ITIH2: variants seen among roughly 807,000 people sequenced by gnomAD.
ITIH2 encodes inter-alpha-trypsin inhibitor heavy chain H2.
Under a neutral mutation model 104.4 loss-of-function variants are expected in ITIH2, and 103 were observed. The ratio of observed to expected loss-of-function variants is 0.99; its 90% CI spans 0.84 to 1.16. The LOEUF is 1.16. Among genes scored for constraint, ITIH2 ranks in the 50% most tolerant of loss-of-function variants. ITIH2 has a pLI of 0.00. For synonymous variants in ITIH2, 436 were observed against 435.4 expected (o/e 1.00, Z -0.02); for missense variants, 1,108 against 1,162.4 (o/e 0.95, Z 0.68).
intron 16 of ITIH2, among the ~76,000 whole-genome samples, chr10:7,739,684 G>A (rs1835105826): frequency 6.6e-6 from 1 of 152,004 alleles, no homozygotes; most frequent in Non-Finnish European, 1.5e-5. Context: ...CTTGAGGCCA[G>A]GAGTTTGAGA....
At chr10:7,716,045 G>C (rs1440234336) in intron 5 of ITIH2, among the ~76,000 whole-genome samples, 1 of 147,750 alleles carries the variant, frequency 6.8e-6, no homozygotes, top group East Asian at 2.0e-4. Context: ...GTATTTTTAG[G>C]AGAGACAGGG....
At chr10:7,714,380 G>T (rs1184093611) in intron 5 of ITIH2, among the ~76,000 whole-genome samples, 2 of 151,808 alleles carry the variant, frequency 1.3e-5, no homozygotes, top group African/African-American at 4.8e-5. Flanking sequence ...CACCGTGTTG[G>T]CCAGGATGGT....
At chr10:7,713,643 T>C (rs1351354392) in intron 5 of ITIH2, among the ~76,000 whole-genome samples, 1 of 152,202 alleles carries the variant, frequency 6.6e-6, no homozygotes, top group Non-Finnish European at 1.5e-5. Flanking sequence ...AAGGAAAAGT[T>C]TGAAATTTGC....
intron 16 of ITIH2, among the ~76,000 whole-genome samples, chr10:7,739,324 C>T (rs977858945): frequency 5.9e-5 from 9 of 152,162 alleles, no homozygotes; most frequent in Non-Finnish European, 1.2e-4. Flanking sequence ...CCTTACTTTC[C>T]TTTTGATTAG....
intron 16 of ITIH2, among the ~76,000 whole-genome samples, chr10:7,739,130 C>T (rs1175156837): frequency 1.3e-5 from 2 of 152,092 alleles, no homozygotes; most frequent in African/African-American, 4.8e-5. Flanking sequence ...TTTGCCTTTC[C>T]ATTGACAACC....
At chr10:7,732,051 C>T in intron 13 of ITIH2, 55 bp downstream of exon 13, 1 of 1,364,558 alleles carries the variant, frequency 7.3e-7, no homozygotes, top group South Asian at 1.3e-5. Flanking sequence ...AGATACAGTC[C>T]CTCTTGAATG....
chr10:7,729,846 C>T, intron 11 of ITIH2, 106 bp from the exon 12 acceptor site: 1 of 620,442 alleles, frequency 1.6e-6, no homozygotes, highest in Non-Finnish European at 2.7e-6. Context: ...AAGGGAAATG[C>T]AGTTTTAATC....
In ITIH2 at chr10:7,727,854, G is replaced by A. The variant is rs374140482; in HGVS notation, c.1279+26G>A. On this transcript the variant is annotated intron_variant, in intron 11 of 20. Transcript: ENST00000358415. ...GCAAGTGTCACTTCAACCTTCTCACGACAAACACTTTCACTGTTGTTTCTT... is the reference window on the plus strand; with the variant it reads ...GCAAGTGTCACTTCAACCTTCTCACAACAAACACTTTCACTGTTGTTTCTT... 429 of 1,612,988 alleles carry A rather than the reference G, an allele frequency of 2.7e-4. 1 individual carries two copies. Among genetic ancestry groups the A allele is most frequent in the Admixed American group, 6.0e-4 (36 of 59,980 alleles).
intron 9 of ITIH2, among the ~76,000 whole-genome samples, chr10:7,726,241 A>T (rs1460521065): frequency 6.6e-6 from 1 of 152,224 alleles, no homozygotes. Context: ...GTGGATGCAC[A>T]TGAGGTTTGT....
At chr10:7,703,906 A>T (rs1299551643) in intron 1 of ITIH2, among the ~76,000 whole-genome samples, 8 of 152,230 alleles carry the variant, frequency 5.3e-5, no homozygotes, top group Non-Finnish European at 1.5e-5. Flanking sequence ...ACTAGCTGTT[A>T]TGATGATGAA....
At chr10:7,712,435 C>A (rs115817335) in intron 4 of ITIH2, among the ~76,000 whole-genome samples, 1 of 152,288 alleles carries the variant, frequency 6.6e-6, no homozygotes, top group East Asian at 1.9e-4. Flanking sequence ...ACATTCGGTC[C>A]ATTGCATACC....
In ITIH2 at chr10:7,716,610, C is replaced by A. The variant is rs984466993; in HGVS notation, c.468-1016C>A. Among the ~76,000 whole-genome samples the A allele has an allele frequency of 2.6e-5, 4 of 151,790 alleles. No individual in the cohort carries two copies. In the East Asian group the frequency reaches 5.9e-4, roughly 22 times the overall value. Reference sequence around the variant, plus strand: ...AATTAGCTGGGCATGGTGGCGCATGCCTGTAGTCCCAGCTACTCGGGATGC... The same window carrying A: ...AATTAGCTGGGCATGGTGGCGCATGACTGTAGTCCCAGCTACTCGGGATGC... On this transcript the variant is annotated intron_variant, in intron 5 of 20. Transcript: ENST00000358415.
intron 1 of ITIH2, among the ~76,000 whole-genome samples, chr10:7,704,241 T>C (rs1215433996): frequency 2.0e-5 from 3 of 152,212 alleles, no homozygotes; most frequent in Admixed American, 6.5e-5. Flanking sequence ...TTATAATACT[T>C]GCAGAGTGGA....
intron 5 of ITIH2, among the ~76,000 whole-genome samples, chr10:7,714,064 C>T (rs988198996): frequency 5.3e-5 from 8 of 151,626 alleles, no homozygotes; most frequent in Non-Finnish European, 1.0e-4. Flanking sequence ...CTAAGTAAGA[C>T]CTGGGAATGC....
chr10:7,739,096 T>A (rs1178522484), intron 16 of ITIH2, among the ~76,000 whole-genome samples: 2 of 152,178 alleles, frequency 1.3e-5, no homozygotes, highest in African/African-American at 4.8e-5. Flanking sequence ...GTCGCAGACT[T>A]CTTTGCCCTC....
At chr10:7,742,938 A>G (rs1835140714) in intron 16 of ITIH2, among the ~76,000 whole-genome samples, 1 of 152,154 alleles carries the variant, frequency 6.6e-6, no homozygotes, top group African/African-American at 2.4e-5. Flanking sequence ...TTTGTAAAAT[A>G]ACATAGGGTT....
In ITIH2 at chr10:7,709,016, T is replaced by G. The variant is rs1265792893; in HGVS notation, c.193-6T>G. 1 of 1,613,094 alleles carries G rather than the reference T, an allele frequency of 6.2e-7. No homozygotes were observed. The highest frequency in any genetic ancestry group is 8.5e-7 in the Non-Finnish European group (1 of 1,179,100). ...CAGTACAGTTATGCTTTCTTGCCAA[T>G]TTCAGGAAGAGGTTGATCAAGTAAC... On this transcript the variant is annotated splice_polypyrimidine_tract_variant and splice_region_variant and intron_variant, in intron 3 of 20. Coordinates refer to ENST00000358415, the MANE Select transcript of ITIH2 (RefSeq NM_002216.3).
At chr10:7,720,723 G>A (rs548058212) in intron 6 of ITIH2, 133 bp from the exon 7 acceptor site, 2 of 593,444 alleles carry the variant, frequency 3.4e-6, no homozygotes, top group Middle Eastern at 3.7e-4. Context: ...TCCTGCAGGA[G>A]AGATCGTGGA....
At chr10:7,734,002 T>C (rs1265145764) in intron 14 of ITIH2, among the ~76,000 whole-genome samples, 1 of 151,890 alleles carries the variant, frequency 6.6e-6, no homozygotes, top group Non-Finnish European at 1.5e-5. Flanking sequence ...AGAAGTTAAA[T>C]ATTGATTTTA....
Sources: allele counts gnomAD v4.1 joint callset (sites outside exome capture counted in the v4.1 genomes callset), GRCh38; gene constraint gnomAD v4.1.1; transcripts MANE v1.5; gene names NCBI Gene and HGNC (gene_info 2026-07-23, HGNC 2026-07-21).